NUF2: variants seen among roughly 807,000 people sequenced by gnomAD.
NUF2 encodes kinetochore protein Nuf2.
Under a neutral mutation model 61.8 loss-of-function variants are expected in NUF2, and 34 were observed. That is an observed-to-expected ratio of 0.55 (90% CI 0.42 to 0.73). The LOEUF is 0.73. Among genes scored for constraint, NUF2 ranks in the 30% least tolerant of loss-of-function variants. The pLI is 0.00. For synonymous variants in NUF2, 172 were observed against 181.6 expected (o/e 0.95, Z 0.42); for missense variants, 445 against 539.1 (o/e 0.83, Z 1.73).
intron 2 of NUF2, among the ~76,000 whole-genome samples, chr1:163,326,732 G>A (rs939060443): frequency 7.2e-5 from 11 of 152,082 alleles, no homozygotes; most frequent in Non-Finnish European, 1.2e-4. Flanking sequence ...AAGTGATAAC[G>A]TAGTAAAACC....
intron 10 of NUF2, 132 bp from the exon 11 acceptor site, chr1:163,345,546 A>G: frequency 1.4e-6 from 1 of 739,926 alleles, no homozygotes; most frequent in Non-Finnish European, 2.2e-6. Flanking sequence ...CTGACCTAGA[A>G]ATTTAATTGT....
intron 2 of NUF2, 136 bp downstream of exon 2, chr1:163,326,310 T>A: frequency 1.5e-6 from 1 of 673,290 alleles, no homozygotes; most frequent in Non-Finnish European, 2.4e-6. Context: ...AGAGAATCTC[T>A]CACCTAGCAT....
chr1:163,351,454 G>T (rs188543535), intron 13 of NUF2, among the ~76,000 whole-genome samples: 1 of 152,242 alleles, frequency 6.6e-6, no homozygotes, highest in African/African-American at 2.4e-5. Context: ...AAATGTCAAG[G>T]TTAGTTTAAA....
At position 163,337,927 on chromosome 1, in the gene NUF2, C is replaced by T. The variant is rs1650816059; in HGVS notation, c.436-93C>T. 6 of 920,570 alleles carry T rather than the reference C, an allele frequency of 6.5e-6. No individual in the cohort carries two copies. The South Asian group carries it at 8.6e-5, about 13-fold the overall frequency. The allele number at this position is 920,570 out of a possible 1,614,324, so 57.0% of individuals were successfully genotyped here. On this transcript the variant is annotated intron_variant, in intron 6 of 13. Coordinates refer to ENST00000271452, the MANE Select transcript of NUF2 (RefSeq NM_145697.3). ...TAACTCTATCTTAAATTTTTTATTTCTGATGGTTCAAACTATAGTATGAGT... is the reference window on the plus strand; with the variant it reads ...TAACTCTATCTTAAATTTTTTATTTTTGATGGTTCAAACTATAGTATGAGT...
At chr1:163,343,326 T>C (rs376438402) in intron 9 of NUF2, among the ~76,000 whole-genome samples, 43 of 152,162 alleles carry the variant, frequency 2.8e-4, no homozygotes, top group Non-Finnish European at 4.9e-4. Context: ...GTAGAGAAAA[T>C]GGGAGCAGGA....
chr1:163,344,194 TA>T lies in NUF2; in HGVS notation c.807+325del, dbSNP rs759150408. 2.0e-4 allele frequency among the ~76,000 whole-genome samples: 30 copies of T among 152,100 alleles called. 1 individual carries two copies. Among genetic ancestry groups the T allele is most frequent in the Non-Finnish European group, 2.9e-5 (2 of 68,010 alleles). On this transcript the variant is annotated intron_variant, in intron 10 of 13. Transcript: ENST00000271452. ...AAGTAATTTTACAAACAATTGTAATTATAAATTACAATATATACTATAACAA... is the reference window on the plus strand; with the variant it reads ...AAGTAATTTTACAAACAATTGTAATTTAAATTACAATATATACTATAACAA...
intron 5 of NUF2, among the ~76,000 whole-genome samples, chr1:163,335,287 A>C (rs766234604): frequency 2.6e-5 from 4 of 152,136 alleles, no homozygotes; most frequent in Non-Finnish European, 5.9e-5. Flanking sequence ...GCATCCACAG[A>C]CTTGGGTTCT....
Position 163,340,372 on chromosome 1 carries a change from G to A in NUF2, c.615G>A (p.Leu205=). The change falls in exon 9 of 14, where the codon CTG becomes CTA. Residue 205 remains leucine (L), a synonymous_variant. Coordinates refer to ENST00000271452, the MANE Select transcript of NUF2 (RefSeq NM_145697.3). ...TTTGCTTTTTCCCTTAGATAGTGCT[G>A]CAAGAGGGAAATTCCCAAAAGAAGT... ...NQDFHQKTIV[L]QEGNSQKKSN... is the part of the protein sequence containing the mutation. The A allele has an allele frequency of 1.2e-6, 2 of 1,610,542 alleles. No homozygotes were observed. Among genetic ancestry groups the A allele is most frequent in the African/African-American group, 1.3e-5 (1 of 74,918 alleles).
chr1:163,326,805 G>A (rs910845924), intron 2 of NUF2, among the ~76,000 whole-genome samples: 2 of 152,036 alleles, frequency 1.3e-5, no homozygotes, highest in Admixed American at 6.6e-5. Context: ...CTCGAAAATG[G>A]AAGAAATACC....
Position 163,343,710 on chromosome 1 carries a change from A to G in NUF2, c.670-23A>G. The G allele has an allele frequency of 3.4e-6, 4 of 1,173,542 alleles. No homozygotes were observed. In the South Asian group the frequency reaches 7.8e-5, roughly 23 times the overall value. 72.7% of individuals were successfully genotyped at this position (1,173,542 alleles called of 1,614,324 possible). ...AATCACCAAGTTTATTATATCTAAT[A>G]TATAAAAATGTTTTCTCAACAGAAT... On this transcript the variant is annotated intron_variant, in intron 9 of 13. Transcript: ENST00000271452.
chr1:163,330,401 T>A (rs1650555293), intron 5 of NUF2, among the ~76,000 whole-genome samples: 1 of 152,224 alleles, frequency 6.6e-6, no homozygotes, highest in Admixed American at 6.5e-5. Flanking sequence ...TGTCTATTTT[T>A]GAGCTCGCTA....
Position 163,340,360 on chromosome 1 carries a change from TTAGA to T in NUF2, c.607_610del (p.Ile203CysfsTer20). ...TTATAAAACGTGTTTGCTTTTTCCCTTAGATAGTGCTGCAAGAGGGAAATTCCCA... is the reference window on the plus strand; with the variant it reads ...TTATAAAACGTGTTTGCTTTTTCCCTTAGTGCTGCAAGAGGGAAATTCCCA... On this transcript the variant is annotated splice_acceptor_variant and splice_polypyrimidine_tract_variant and coding_sequence_variant and intron_variant, in exon 9 of 14. Coordinates refer to ENST00000271452, the MANE Select transcript of NUF2 (RefSeq NM_145697.3). LOFTEE classifies it high-confidence loss of function. 3 of 1,608,250 alleles carry T rather than the reference TTAGA, an allele frequency of 1.9e-6. No individual in the cohort carries two copies. The highest frequency in any genetic ancestry group is 2.2e-5 in the South Asian group (2 of 90,358).
At chr1:163,344,762 C>A (rs1651066337) in intron 10 of NUF2, among the ~76,000 whole-genome samples, 1 of 151,364 alleles carries the variant, frequency 6.6e-6, no homozygotes. Context: ...ATTAAGATTA[C>A]CACACTAGAC....
chr1:163,338,854 A>G (rs149557832), intron 7 of NUF2, among the ~76,000 whole-genome samples: 499 of 152,286 alleles, frequency 3.3e-3, no homozygotes, highest in African/African-American at 0.011. Flanking sequence ...AGTCCTGTAA[A>G]CTGACAGGAA....
At chr1:163,337,175 T>C (rs1056037405) in intron 6 of NUF2, among the ~76,000 whole-genome samples, 9 of 152,094 alleles carry the variant, frequency 5.9e-5, no homozygotes, top group African/African-American at 2.2e-4. Flanking sequence ...TTTGCGTAGA[T>C]AGTGTAGCTT....
intron 8 of NUF2, among the ~76,000 whole-genome samples, 162 bp downstream of exon 8, chr1:163,339,639 T>C (rs1650875854): frequency 6.6e-6 from 1 of 152,148 alleles, no homozygotes; most frequent in African/African-American, 2.4e-5. Context: ...CATACTTCTC[T>C]CAACCATCTA....
chr1:163,346,300 G>A (rs1475990910), intron 11 of NUF2: 1 of 152,012 alleles, frequency 6.6e-6, no homozygotes, highest in Admixed American at 6.6e-5. Flanking sequence ...TGTGAATGTG[G>A]TCTCTCTCTC....
At chr1:163,328,959 A>G in intron 5 of NUF2, 52 bp downstream of exon 5, 2 of 912,626 alleles carry the variant, frequency 2.2e-6, no homozygotes, top group East Asian at 5.2e-5. Flanking sequence ...CTACCATTTC[A>G]CCTTTCCATC....
intron 11 of NUF2, among the ~76,000 whole-genome samples, chr1:163,347,154 G>T (rs1217734947): frequency 2.0e-5 from 3 of 152,196 alleles, no homozygotes; most frequent in Non-Finnish European, 4.4e-5. Context: ...GAGATTTAAA[G>T]TTTATTACAT....
Sources: allele counts gnomAD v4.1 joint callset (sites outside exome capture counted in the v4.1 genomes callset), GRCh38; gene constraint gnomAD v4.1.1; transcripts MANE v1.5; gene names NCBI Gene and HGNC (gene_info 2026-07-23, HGNC 2026-07-21).